The following ERCC1 variants were observed in gnomAD, a reference collection of about 807,000 sequenced individuals.
The protein encoded by ERCC1 is ERCC excision repair 1, endonuclease non-catalytic subunit.
A neutral mutation model predicts 37.6 loss-of-function variants in ERCC1; 36 were observed. The ratio of observed to expected loss-of-function variants is 0.96; its 90% CI spans 0.73 to 1.26. The LOEUF is 1.26. Ranked by LOEUF, ERCC1 falls within the 50% of genes most tolerant of loss-of-function variation. The pLI, the probability that ERCC1 is intolerant of heterozygous loss-of-function variation, is 0.00. For missense variants in ERCC1, 349 were observed against 376.5 expected (o/e 0.93, Z 0.60); for synonymous variants, 156 against 162.1 (o/e 0.96, Z 0.28).
chr19:45,423,514 C>G, intron 1 of ERCC1, 133 bp from the exon 2 acceptor site: 2 of 1,473,208 alleles, frequency 1.4e-6, no homozygotes, highest in South Asian at 1.3e-5. Flanking sequence ...CAACACCCAG[C>G]GCTAGAGGCT....
At chr19:45,418,592 G>A (rs1974205383) in intron 5 of ERCC1, among the ~76,000 whole-genome samples, 1 of 151,728 alleles carries the variant, frequency 6.6e-6, no homozygotes, top group African/African-American at 2.4e-5. Context: ...GGAGGCTGAG[G>A]TGGGTGGATC....
Position 45,408,476 on chromosome 19 carries a change from C to G in ERCC1, c.*1199G>C. The G allele has an allele frequency of 6.2e-7, 1 of 1,613,920 alleles. No individual in the cohort carries two copies. Among genetic ancestry groups the G allele is most frequent in the Non-Finnish European group, 8.5e-7 (1 of 1,179,948 alleles). On this transcript the variant is annotated 3_prime_UTR_variant, in exon 10 of 10. Coordinates refer to ENST00000300853, the MANE Select transcript of ERCC1 (RefSeq NM_001983.4). ...TAGGTCAGCCTTGGCCCCCAACCTG[C>G]TCACCTCAGGGAAGAAGAAAAAGGA...
At position 45,420,430 on chromosome 19, in the gene ERCC1, G is replaced by A. The variant is rs2123513541; in HGVS notation, c.322-3C>T. On this transcript the variant is annotated splice_region_variant and splice_polypyrimidine_tract_variant and intron_variant, in intron 3 of 9. Coordinates refer to ENST00000300853, the MANE Select transcript of ERCC1 (RefSeq NM_001983.4). The surrounding 1 kb of genome is among the most constrained non-coding windows in gnomAD (Gnocchi z 4.8). The stretch of plus-strand genomic sequence containing the variant: ...AACTTCAGTACGGGATTGCCCCTCT[G>A]GGGAGGGACGAAGGGCAGAAGCCAT... The A allele has an allele frequency of 6.2e-7, 1 of 1,602,460 alleles. No homozygotes were observed. Among genetic ancestry groups the A allele is most frequent in the Non-Finnish European group, 8.5e-7 (1 of 1,170,574 alleles).
At chr19:45,440,527 A>T (rs1251277857) in intron 1 of ERCC1, among the ~76,000 whole-genome samples, 1 of 152,054 alleles carries the variant, frequency 6.6e-6, no homozygotes, top group Non-Finnish European at 1.5e-5. Flanking sequence ...GGGTTGGAGC[A>T]TGGGACACTT....
At position 45,431,677 on chromosome 19, in the gene ERCC1, C is replaced by CAAAA. The variant is rs35153099; in HGVS notation, c.-7-8300_-7-8297dup. 2.4e-3 allele frequency among the ~76,000 whole-genome samples: 320 copies of CAAAA among 132,248 alleles called. 5 individuals are homozygous for CAAAA. The highest frequency in any genetic ancestry group is 4.0e-3 in the African/African-American group (143 of 35,366). The allele number at this position is 132,248 out of a possible 152,430, so 86.8% of individuals were successfully genotyped here. ...GAGCAACAAGAGTGAAACTCCATCT[C>CAAAA]AAAAAAAAAAAAAACCAGCCTGGGC... is the stretch of plus-strand genomic sequence containing the variant. On this transcript the variant is annotated intron_variant, in intron 1 of 8. Transcript: ENST00000423698.
At position 45,420,174 on chromosome 19, in the gene ERCC1, C is replaced by T. The variant is rs1974323202; in HGVS notation, c.425+150G>A. 2 of 679,730 alleles carry T rather than the reference C, an allele frequency of 2.9e-6. No individual in the cohort carries two copies. Among genetic ancestry groups the T allele is most frequent in the African/African-American group, 1.8e-5 (1 of 56,624 alleles). The allele number at this position is 679,730 out of a possible 1,614,324, so 42.1% of individuals were successfully genotyped here. ...CTGGGCACCTCCAGGCCAAGACCCC[C>T]TGCCTCCAACACAGGGTCCCACCAA... On this transcript the variant is annotated intron_variant, in intron 4 of 9. Coordinates refer to ENST00000300853, the MANE Select transcript of ERCC1 (RefSeq NM_001983.4). This position sits in a 1 kb window ranked among gnomAD's most constrained non-coding sequence, Gnocchi z 4.8.
Position 45,408,572 on chromosome 19 carries a change from G to A in ERCC1, c.*1103C>T, listed in dbSNP as rs1475058793. ...GCACGGGGCCCTGGAGGTGGACATG[G>A]CTTTGGGGTCGCCAGAAATGGATGT... On this transcript the variant is annotated 3_prime_UTR_variant, in exon 10 of 10. Coordinates refer to ENST00000300853, the MANE Select transcript of ERCC1 (RefSeq NM_001983.4). The A allele has an allele frequency of 2.5e-6, 4 of 1,613,814 alleles. 1 individual carries two copies. In the African/African-American group the frequency reaches 4.0e-5, roughly 16 times the overall value.
intron 1 of ERCC1, among the ~76,000 whole-genome samples, chr19:45,445,421 CTT>C (rs1359176692): frequency 6.6e-6 from 1 of 152,178 alleles, no homozygotes; most frequent in Non-Finnish European, 1.5e-5. Context: ...GAAGCTTACT[CTT>C]TGGAAATTGG....
chr19:45,445,913 A>T (rs1966926663), intron 1 of ERCC1, among the ~76,000 whole-genome samples: 1 of 151,962 alleles, frequency 6.6e-6, no homozygotes, highest in Non-Finnish European at 1.5e-5. Flanking sequence ...TTTGAGACAG[A>T]GTTTCTTTCT....
At position 45,409,429 on chromosome 19, in the gene ERCC1, T is replaced by G. The variant is rs1973548857; in HGVS notation, c.*246A>C. On this transcript the variant is annotated 3_prime_UTR_variant, in exon 10 of 10. Transcript: ENST00000300853. Reference sequence around the variant, plus strand: ...AGGAGATGCCAGGGCCGCCACTGAATTCAGAGTCTGGGGAGGAGGCTCCCA... The same window carrying G: ...AGGAGATGCCAGGGCCGCCACTGAAGTCAGAGTCTGGGGAGGAGGCTCCCA... The G allele has an allele frequency of 3.1e-6, 5 of 1,613,412 alleles. No individual in the cohort carries two copies. Among genetic ancestry groups the G allele is most frequent in the Non-Finnish European group, 3.4e-6 (4 of 1,179,988 alleles).
At chr19:45,417,506 G>A (rs1974135748) in intron 5 of ERCC1, among the ~76,000 whole-genome samples, 1 of 152,182 alleles carries the variant, frequency 6.6e-6, no homozygotes, top group South Asian at 2.1e-4. Context: ...GCAAAGGATG[G>A]GAGGGGAAAG....
At chr19:45,428,287 G>T (rs1974751055), upstream of ERCC1, among the ~76,000 whole-genome samples, 1 of 140,722 alleles carries the variant, frequency 7.1e-6, no homozygotes, top group African/African-American at 3.0e-5. Context: ...GGGGTGGGGG[G>T]GTGGGGTCTC....
At chr19:45,426,377 T>TAA (rs1361229697), upstream of ERCC1, among the ~76,000 whole-genome samples, 1 of 29,748 alleles carries the variant, frequency 3.4e-5, no homozygotes, top group Non-Finnish European at 4.8e-5. Context: ...AGACTCTGTC[T>TAA]CAAAAAAAAA....
rs1466069758 is a variant in ERCC1 at position 45,414,885 on chromosome 19, C to T, written c.678G>A (p.Lys226=). The T allele has an allele frequency of 8.1e-6, 13 of 1,613,572 alleles. No homozygotes were observed. The highest frequency in any genetic ancestry group is 1.1e-5 in the Non-Finnish European group (13 of 1,179,676). The stretch of plus-strand genomic sequence containing the variant: ...CCCGGGAGACGAAGTCCTGCTCTAG[C>T]TTCTCCATCAGGAGGTCCGCTGGTT... The part of the protein sequence containing the change: ...EQKPADLLME[K]LEQDFVSRVT... The change falls in exon 7 of 10, where the codon AAG becomes AAA. Residue 226 remains lysine, a synonymous_variant. Transcript: ENST00000300853.
upstream of ERCC1, among the ~76,000 whole-genome samples, chr19:45,425,358 A>G (rs956214696): frequency 1.3e-5 from 2 of 152,064 alleles, no homozygotes; most frequent in African/African-American, 4.8e-5. Context: ...TGAGCAGGTC[A>G]TCTGGCTTTA....
At chr19:45,418,271 T>A (rs1974180859) in intron 5 of ERCC1, among the ~76,000 whole-genome samples, 1 of 151,970 alleles carries the variant, frequency 6.6e-6, no homozygotes. Flanking sequence ...ATCACCTGAA[T>A]CCAGGAGGTG....
intron 1 of ERCC1, among the ~76,000 whole-genome samples, chr19:45,451,121 C>T (rs1967108786): frequency 6.6e-6 from 1 of 151,970 alleles, no homozygotes; most frequent in African/African-American, 2.4e-5. Flanking sequence ...TACCGGTTTC[C>T]CTTTAGACAG....
chr19:45,432,425 T>G (rs1401524418), intron 1 of ERCC1, among the ~76,000 whole-genome samples: 4 of 152,082 alleles, frequency 2.6e-5, no homozygotes, highest in African/African-American at 9.7e-5. Flanking sequence ...TTTACACCAC[T>G]GCACCCAGCT....
At chr19:45,442,713 G>C (rs1444093738) in intron 1 of ERCC1, among the ~76,000 whole-genome samples, 4 of 152,192 alleles carry the variant, frequency 2.6e-5, no homozygotes, top group Non-Finnish European at 5.9e-5. Context: ...GAGGGTGACA[G>C]GGGTGGGGAG....
Sources: gnomAD v4.1 joint callset for allele counts (sites outside exome capture counted in the v4.1 genomes callset) on GRCh38, gnomAD v4.1.1 for gene constraint, Gnocchi (gnomAD v3.1) non-coding constraint, MANE v1.5 for transcripts, NCBI Gene and HGNC (gene_info 2026-07-23, HGNC 2026-07-21) for gene names.